The following DLGAP2 variants were observed in gnomAD, a reference collection of about 807,000 sequenced individuals.
DLGAP2 encodes disks large-associated protein 2.
In DLGAP2, 26 loss-of-function variants were observed where a neutral mutation model predicts 100.3. That is an observed-to-expected ratio of 0.26 (90% CI 0.19 to 0.36). DLGAP2 has a LOEUF of 0.36. Ranked by LOEUF, DLGAP2 falls within the 10% of genes least tolerant of loss-of-function variation. DLGAP2 has a pLI of 1.00. For synonymous variants in DLGAP2, 886 were observed against 630.1 expected (o/e 1.41, Z -6.08); for missense variants, 1,858 against 1,453.2 (o/e 1.28, Z -4.53).
At chr8:1,034,100 C>T (rs36093763) in intron 2 of DLGAP2, among the ~76,000 whole-genome samples, 1 of 52,384 alleles carries the variant, frequency 1.9e-5, no homozygotes. Flanking sequence ...CGTGTCACCG[C>T]GAGGGGACTC....
At chr8:1,392,846 G>T in intron 3 of DLGAP2, among the ~76,000 whole-genome samples, 1 of 149,190 alleles carries the variant, frequency 6.7e-6, no homozygotes, top group Non-Finnish European at 1.5e-5. Flanking sequence ...GAATGTATGT[G>T]TGTTGGAATG....
At chr8:1,138,326 A>T (rs1796459745) in intron 2 of DLGAP2, among the ~76,000 whole-genome samples, 2 of 151,936 alleles carry the variant, frequency 1.3e-5, no homozygotes, top group African/African-American at 4.8e-5. Context: ...GCCGATGAAG[A>T]CCTCACAGGG....
chr8:1,194,734 G>C (rs910320292), intron 2 of DLGAP2, among the ~76,000 whole-genome samples: 1 of 152,156 alleles, frequency 6.6e-6, no homozygotes, highest in Non-Finnish European at 1.5e-5. Context: ...GAGAGTCCCT[G>C]GGCCCGATGA....
chr8:867,771 G>T lies in DLGAP2; in HGVS notation c.19-40141G>T, dbSNP rs116224460. 3.0e-3 allele frequency among the ~76,000 whole-genome samples: 450 copies of T among 152,290 alleles called. 2 individuals are homozygous for T. Among genetic ancestry groups the T allele is most frequent in the African/African-American group, 0.01 (425 of 41,574 alleles). On this transcript the variant is annotated intron_variant, in intron 1 of 14. Transcript: ENST00000637795. ...TTCCTGTTCATATTGGTTTCTTATA[G>T]GGGAAGTGAAGCTTTGAATGATTCT...
At chr8:1,290,289 G>A (rs1800029859) in intron 3 of DLGAP2, among the ~76,000 whole-genome samples, 1 of 152,194 alleles carries the variant, frequency 6.6e-6, no homozygotes, top group South Asian at 2.1e-4. Context: ...TACACACGGT[G>A]CATCCAATTC....
chr8:1,514,646 A>C (rs1800296251), intron 4 of DLGAP2, among the ~76,000 whole-genome samples: 1 of 152,108 alleles, frequency 6.6e-6, no homozygotes, highest in African/African-American at 2.4e-5. Flanking sequence ...TCATCCCTTC[A>C]CAGCTGTGTG....
At chr8:1,041,024 G>T (rs1430549436) in intron 2 of DLGAP2, among the ~76,000 whole-genome samples, 3 of 152,190 alleles carry the variant, frequency 2.0e-5, no homozygotes, top group East Asian at 3.8e-4. Flanking sequence ...CAGCTACTTT[G>T]TGTGAGTGAG....
At chr8:1,541,183 C>A (rs1345976275) in intron 4 of DLGAP2, among the ~76,000 whole-genome samples, 1 of 152,216 alleles carries the variant, frequency 6.6e-6, no homozygotes, top group Non-Finnish European at 1.5e-5. Flanking sequence ...CTTACCTCCA[C>A]TGAGCCCCTA....
chr8:1,270,829 T>C (rs943266430), intron 3 of DLGAP2, among the ~76,000 whole-genome samples: 4 of 152,076 alleles, frequency 2.6e-5, no homozygotes, highest in African/African-American at 9.7e-5. Flanking sequence ...TCTACCTCTC[T>C]GTGTGTGTGT....
chr8:1,063,998 G>A (rs913935654), intron 2 of DLGAP2, among the ~76,000 whole-genome samples: 7 of 152,138 alleles, frequency 4.6e-5, no homozygotes, highest in African/African-American at 1.7e-4. Flanking sequence ...ACATTTATAC[G>A]CAGGATGACA....
chr8:1,339,635 T>C (rs1183712603), intron 3 of DLGAP2, among the ~76,000 whole-genome samples: 1 of 152,246 alleles, frequency 6.6e-6, no homozygotes, highest in Non-Finnish European at 1.5e-5. Context: ...ACATGGGTTA[T>C]CTCATGTAAT....
chr8:1,705,897 G>A lies in DLGAP2; in HGVS notation c.*4491G>A, dbSNP rs1228515813. 12 of 152,184 alleles carry A rather than the reference G, an allele frequency of 7.9e-5. No individual in the cohort carries two copies. Among genetic ancestry groups the A allele is most frequent in the Admixed American group, 7.9e-4 (12 of 15,276 alleles). 9.4% of individuals were successfully genotyped at this position (152,184 alleles called of 1,614,324 possible). On this transcript the variant is annotated 3_prime_UTR_variant, in exon 15 of 15. Transcript: ENST00000637795. The stretch of plus-strand genomic sequence containing the variant: ...AAAATAGAAAACCACGAGCTTAAGA[G>A]GTGAAAAAGATGACCCCTTTCTGAT...
chr8:1,150,654 C>T (rs956462430), intron 2 of DLGAP2, among the ~76,000 whole-genome samples: 4 of 152,122 alleles, frequency 2.6e-5, no homozygotes, highest in Admixed American at 2.6e-4. Context: ...TTGGACACTG[C>T]TCAACTTGGA....
rs549800186 is a variant in DLGAP2 at position 900,209 on chromosome 8, C to T, written c.19-7703C>T. On this transcript the variant is annotated intron_variant, in intron 1 of 14. Transcript: ENST00000637795. ...GTGCCCTCCTCTTCACGGGGTCGCT[C>T]CCGGGCGGACGGTGGGCGCCCTGCT... Among the ~76,000 whole-genome samples, 3 of 150,642 alleles carry T rather than the reference C, an allele frequency of 2.0e-5. No individual in the cohort carries two copies. In the South Asian group the frequency reaches 6.3e-4, roughly 32 times the overall value.
chr8:1,378,740 A>G (rs1031038220), intron 3 of DLGAP2, among the ~76,000 whole-genome samples: 7 of 152,206 alleles, frequency 4.6e-5, no homozygotes, highest in African/African-American at 1.7e-4. Flanking sequence ...TTTTGCTTTC[A>G]TTCTAATTTA....
At chr8:1,040,291 C>T (rs1422690803) in intron 2 of DLGAP2, among the ~76,000 whole-genome samples, 16 of 145,148 alleles carry the variant, frequency 1.1e-4, no homozygotes, top group Non-Finnish European at 1.5e-4. Flanking sequence ...GCTCGGGTTC[C>T]GTGGTCAGCT....
chr8:1,061,419 C>T (rs577825310), intron 2 of DLGAP2, among the ~76,000 whole-genome samples: 4 of 152,068 alleles, frequency 2.6e-5, no homozygotes, highest in African/African-American at 4.8e-5. Flanking sequence ...TCCACGTGTT[C>T]GTTGAGGGAA....
At chr8:1,201,045 C>T (rs193292376) in intron 2 of DLGAP2, among the ~76,000 whole-genome samples, 5 of 152,148 alleles carry the variant, frequency 3.3e-5, no homozygotes, top group Non-Finnish European at 5.9e-5. Context: ...GTGAGTGTGG[C>T]GTGAGCGGCC....
intron 2 of DLGAP2, among the ~76,000 whole-genome samples, chr8:985,408 C>A (rs1424009393): frequency 6.6e-6 from 1 of 152,182 alleles, no homozygotes; most frequent in African/African-American, 2.4e-5. Context: ...AAAACAAGGG[C>A]CATGACAACC....
Sources: gnomAD v4.1 joint callset for allele counts (sites outside exome capture counted in the v4.1 genomes callset) on GRCh38, gnomAD v4.1.1 for gene constraint, MANE v1.5 for transcripts, NCBI Gene and HGNC (gene_info 2026-07-23, HGNC 2026-07-21) for gene names.